SETD2: variants seen among roughly 807,000 people sequenced by gnomAD.
SETD2 encodes the protein SET domain containing 2, histone lysine methyltransferase.
In SETD2, 31 loss-of-function variants were observed where a neutral mutation model predicts 242.1. That is an observed-to-expected ratio of 0.13 (90% CI 0.10 to 0.17). SETD2 has a LOEUF of 0.17. SETD2 is among the 10% of genes least tolerant of loss of function. The probability of loss-of-function intolerance (pLI) is 1.00; values close to 1 mark genes in which losing one functional copy is unlikely to be tolerated. For synonymous variants in SETD2, 1,006 were observed against 1,066.5 expected (o/e 0.94, Z 1.11); for missense variants, 2,481 against 3,046.3 (o/e 0.81, Z 4.37).
chr3:47,112,144 C>T (rs1275230201), intron 5 of SETD2, among the ~76,000 whole-genome samples: 2 of 146,988 alleles, frequency 1.4e-5, no homozygotes, highest in East Asian at 3.9e-4. Context: ...GAGACAGTCT[C>T]GCTCTGTCCC....
chr3:47,140,923 G>T (rs2043713564), intron 1 of SETD2, among the ~76,000 whole-genome samples: 1 of 152,076 alleles, frequency 6.6e-6, no homozygotes, highest in Admixed American at 6.6e-5. Flanking sequence ...AAAGACATGA[G>T]ATAGGTTTCT....
chr3:47,040,811 G>A (rs947170067), intron 17 of SETD2, among the ~76,000 whole-genome samples: 1 of 151,938 alleles, frequency 6.6e-6, no homozygotes. Context: ...GGCCTCAAGC[G>A]ATCCTCCTGC....
chr3:47,037,541 C>T, intron 18 of SETD2, 125 bp downstream of exon 18: 1 of 680,494 alleles, frequency 1.5e-6, no homozygotes. Context: ...CATCTCTACA[C>T]CTTGATACAT....
intron 1 of SETD2, chr3:47,145,391 T>C (rs1368314959): frequency 7.8e-6 from 2 of 257,988 alleles, no homozygotes; most frequent in African/African-American, 2.2e-5. Context: ...TATGCCTGTG[T>C]TTTGTTTTTG....
Position 47,121,803 on chromosome 3 carries a change from A to G in SETD2, c.2833T>C (p.Ser945Pro), listed in dbSNP as rs1189906004. ...CCATTATTACGCCTGTTCTCCCTGG[A>G]AGCAAATCCCTTTCCTGAATCAGGA... is the stretch of plus-strand genomic sequence containing the variant. ...DLPDSGKGFA[S>P]RENRRNNGLS... Residue 945 changes from serine (S) to proline (P), a missense_variant, in exon 3 of 21, where the codon TCC (serine) becomes CCC (proline). Physicochemically the swap from Ser to Pro is moderately conservative, Grantham distance 74. Transcript: ENST00000409792. 6.2e-7 allele frequency: 1 copy of G among 1,613,966 alleles called. No homozygotes were observed. Among genetic ancestry groups the G allele is most frequent in the Non-Finnish European group, 8.5e-7 (1 of 1,179,976 alleles).
chr3:47,140,989 TCG>T (rs1304364719), intron 1 of SETD2, among the ~76,000 whole-genome samples: 1 of 152,060 alleles, frequency 6.6e-6, no homozygotes, highest in African/African-American at 2.4e-5. Context: ...GACTCTAAGC[TCG>T]CTTGGTTAAT....
upstream of SETD2, chr3:47,164,117 T>A: frequency 9.7e-7 from 1 of 1,027,698 alleles, no homozygotes; most frequent in Non-Finnish European, 1.2e-6. The surrounding 1 kb of genome is among the most constrained non-coding windows in gnomAD (Gnocchi z 5.4). Flanking sequence ...GCTCTCTCCC[T>A]CTCACCCTCA....
chr3:47,095,187 G>A (rs770717187), intron 9 of SETD2, among the ~76,000 whole-genome samples: 5 of 152,218 alleles, frequency 3.3e-5, no homozygotes, highest in Admixed American at 6.5e-5. Flanking sequence ...CTAGGCTGGA[G>A]TGCAGTGGTG....
At chr3:47,127,129 G>A (rs2043352471) in intron 1 of SETD2, among the ~76,000 whole-genome samples, 1 of 152,050 alleles carries the variant, frequency 6.6e-6, no homozygotes, top group South Asian at 2.1e-4. Flanking sequence ...GGCTGAGGCC[G>A]GCTGATGGCT....
intron 15 of SETD2, among the ~76,000 whole-genome samples, chr3:47,049,864 ATT>A (rs1248983428): frequency 1.4e-5 from 2 of 144,224 alleles, no homozygotes; most frequent in East Asian, 2.0e-4. Context: ...TAATATATAA[ATT>A]TATTCTGAGT....
chr3:47,140,732 T>C (rs1009842105), intron 1 of SETD2, among the ~76,000 whole-genome samples: 1 of 152,020 alleles, frequency 6.6e-6, no homozygotes, highest in Non-Finnish European at 1.5e-5. Flanking sequence ...ATGGTGGCAG[T>C]CATCTGTAAT....
intron 1 of SETD2, among the ~76,000 whole-genome samples, chr3:47,150,028 C>CT (rs71098457): frequency 0.026 from 2,428 of 92,248 alleles, 178 homozygotes; most frequent in Non-Finnish European, 0.038. Flanking sequence ...TCCAAAAATA[C>CT]TTTTTTTTTT....
intron 18 of SETD2, among the ~76,000 whole-genome samples, chr3:47,036,929 AG>A (rs895946064): frequency 8.7e-6 from 1 of 115,066 alleles, no homozygotes; most frequent in African/African-American, 3.0e-5. Flanking sequence ...AAAGAGAACA[AG>A]AGAGGCCCTG....
rs749545814 is a variant in SETD2 at position 47,123,787 on chromosome 3, ATCT to A, written c.846_848del (p.Glu282del). On this transcript the variant is annotated inframe_deletion, in exon 3 of 21. Coordinates refer to ENST00000409792, the MANE Select transcript of SETD2 (RefSeq NM_014159.7). ...TTTCTTCATCCTTCCCAATATGGGA[ATCT>A]TCTTTTTTTGAGGAAATATCTGCTT... 5.2e-6 allele frequency: 8 copies of A among 1,547,434 alleles called. No individual in the cohort carries two copies. The highest frequency in any genetic ancestry group is 1.4e-5 in the African/African-American group (1 of 72,642).
At chr3:47,064,998 T>C (rs1187775164) in intron 13 of SETD2, among the ~76,000 whole-genome samples, 1 of 152,074 alleles carries the variant, frequency 6.6e-6, no homozygotes, top group African/African-American at 2.4e-5. Context: ...TTCTCCACAA[T>C]AATTTGCAAA....
intron 5 of SETD2, among the ~76,000 whole-genome samples, chr3:47,108,719 G>A (rs922424676): frequency 6.6e-6 from 1 of 152,184 alleles, no homozygotes. Context: ...GGAAGCAGCT[G>A]AGAGAAGCAT....
intron 9 of SETD2, among the ~76,000 whole-genome samples, chr3:47,091,395 GGCGGACAGATCACCTGAGGCCAGGAGTTC>G (rs772172315): frequency 6.6e-6 from 1 of 152,124 alleles, no homozygotes; most frequent in Non-Finnish European, 1.5e-5. Flanking sequence ...GAGAGGCCAA[GGCGGACAGATCACCTGAGGCCAGGAGTTC>G]GGGACCAGCC....
At chr3:47,018,504 G>A (rs1231115624) in intron 19 of SETD2, among the ~76,000 whole-genome samples, 1 of 152,150 alleles carries the variant, frequency 6.6e-6, no homozygotes, top group Non-Finnish European at 1.5e-5. Context: ...AAAGAACAAG[G>A]CTATATCACA....
At chr3:47,044,707 GCTTAT>G (rs1478523932) in intron 16 of SETD2, among the ~76,000 whole-genome samples, 2 of 152,128 alleles carry the variant, frequency 1.3e-5, no homozygotes, top group East Asian at 1.9e-4. Flanking sequence ...AATACCAAAA[GCTTAT>G]CTTAATATTA....
Sources: gnomAD v4.1 joint callset for allele counts (sites outside exome capture counted in the v4.1 genomes callset) on GRCh38, gnomAD v4.1.1 for gene constraint, Gnocchi (gnomAD v3.1) non-coding constraint, MANE v1.5 for transcripts, NCBI Gene and HGNC (gene_info 2026-07-23, HGNC 2026-07-21) for gene names.